The following HADHB variants were observed in gnomAD, a reference collection of about 807,000 sequenced individuals.
HADHB encodes the protein hydroxyacyl-CoA dehydrogenase trifunctional multienzyme complex subunit beta.
HADHB carries 50 observed loss-of-function variants against 61.9 expected under a neutral mutation model. The observed-to-expected ratio is 0.81, with a 90% CI of 0.64 to 1.02. The LOEUF (loss-of-function observed/expected upper bound fraction) is 1.02. Ranked by LOEUF, HADHB falls within the 50% of genes least tolerant of loss-of-function variation. The pLI, the probability that HADHB is intolerant of heterozygous loss-of-function variation, is 0.00. For synonymous variants in HADHB, 191 were observed against 201.6 expected (o/e 0.95, Z 0.45); for missense variants, 504 against 586.5 (o/e 0.86, Z 1.45).
chr2:26,257,672 G>A (rs552788399), intron 3 of HADHB, among the ~76,000 whole-genome samples: 4 of 151,996 alleles, frequency 2.6e-5, no homozygotes, highest in South Asian at 2.1e-4. Flanking sequence ...GGCCCACAAC[G>A]TTAAAGATGT....
intron 4 of HADHB, 47 bp downstream of exon 4, chr2:26,263,526 T>G (rs751038689): frequency 9.2e-5 from 106 of 1,153,858 alleles, no homozygotes; most frequent in Non-Finnish European, 1.3e-4. Flanking sequence ...TTTAAGACAC[T>G]TTCAAAAGTA....
chr2:26,281,202 A>T (rs1672773358), intron 10 of HADHB, among the ~76,000 whole-genome samples: 1 of 151,938 alleles, frequency 6.6e-6, no homozygotes, highest in African/African-American at 2.4e-5. Flanking sequence ...AAACATCTTT[A>T]TTGATTCTGC....
At chr2:26,285,663 A>G (rs1045498662) in intron 15 of HADHB, 92 bp downstream of exon 15, 4 of 905,728 alleles carry the variant, frequency 4.4e-6, no homozygotes, top group Non-Finnish European at 6.8e-6. Context: ...TCTTAAAGCA[A>G]TATTTTTGAT....
At chr2:26,260,463 A>C (rs202183177) in intron 3 of HADHB, 2 of 155,448 alleles carry the variant, frequency 1.3e-5, no homozygotes, top group East Asian at 3.8e-4. Context: ...ATAGTGTGCA[A>C]ATCTTCAAAT....
In HADHB at chr2:26,285,739, G is replaced by GT. The variant is rs766742523; in HGVS notation, c.1389+186dup. On this transcript the variant is annotated intron_variant, in intron 15 of 15. Transcript: ENST00000317799. Reference sequence around the variant, plus strand: ...TCTGATAAAACTTTTTGTTTTTTGGGTTTTTTTTTTTTTTTTTTGAGACAG... The same window carrying GT: ...TCTGATAAAACTTTTTGTTTTTTGGGTTTTTTTTTTTTTTTTTTTGAGACAG... Among the ~76,000 whole-genome samples, 146 of 65,088 alleles carry GT rather than the reference G, an allele frequency of 2.2e-3. 21 individuals are homozygous for GT. Among genetic ancestry groups the GT allele is most frequent in the East Asian group, 6.5e-3 (28 of 4,298 alleles). The allele number at this position is 65,088 out of a possible 152,430, so 42.7% of individuals were successfully genotyped here.
Position 26,267,063 on chromosome 2 carries a change from T to C in HADHB, c.210-2890T>C, listed in dbSNP as rs72850002. Among the ~76,000 whole-genome samples, 947 of 152,118 alleles carry C rather than the reference T, an allele frequency of 6.2e-3. 7 individuals are homozygous for C. The highest frequency in any genetic ancestry group is 0.021 in the African/African-American group (885 of 41,492). On this transcript the variant is annotated intron_variant, in intron 4 of 15. Transcript: ENST00000317799. ...CTGAGTGAAAATGACAGTAAAAATATTTTGGAGTTTTTAAGTTTTAATTTT... is the reference window on the plus strand; with the variant it reads ...CTGAGTGAAAATGACAGTAAAAATACTTTGGAGTTTTTAAGTTTTAATTTT...
chr2:26,259,710 A>G (rs762109542), intron 3 of HADHB, among the ~76,000 whole-genome samples: 1 of 152,236 alleles, frequency 6.6e-6, no homozygotes, highest in Non-Finnish European at 1.5e-5. Context: ...ACTTTATAAT[A>G]TGCTAAATTA....
Position 26,271,761 on chromosome 2 carries a change from A to G in HADHB, c.254+1764A>G, listed in dbSNP as rs540308118. Among the ~76,000 whole-genome samples, 6 of 152,252 alleles carry G rather than the reference A, an allele frequency of 3.9e-5. No homozygotes were observed. In the East Asian group the frequency reaches 5.8e-4, roughly 15 times the overall value. ...GGAGTTTGAGACCAGCCTAAGCAAC[A>G]TAGTAAGACTCCATCTCTACAAAAA... On this transcript the variant is annotated intron_variant, in intron 5 of 15. Coordinates refer to ENST00000317799, the MANE Select transcript of HADHB (RefSeq NM_000183.3).
At chr2:26,257,967 C>T (rs1209909989) in intron 3 of HADHB, among the ~76,000 whole-genome samples, 4 of 151,670 alleles carry the variant, frequency 2.6e-5, no homozygotes, top group Admixed American at 6.6e-5. Context: ...TGCAGTGAGC[C>T]GAGATCGTGC....
intron 7 of HADHB, 53 bp downstream of exon 7, chr2:26,277,213 T>C (rs975951536): frequency 2.1e-5 from 18 of 864,714 alleles, no homozygotes; most frequent in Non-Finnish European, 3.3e-5. Context: ...CTTTGTCTTT[T>C]ACTTGATTAT....
chr2:26,281,496 A>G (rs1010520835), intron 10 of HADHB, among the ~76,000 whole-genome samples: 6 of 152,154 alleles, frequency 3.9e-5, no homozygotes, highest in Non-Finnish European at 8.8e-5. Context: ...CATTTGCAAA[A>G]CCGAATTGGA....
chr2:26,281,699 A>G (rs1414739703), intron 10 of HADHB, among the ~76,000 whole-genome samples: 1 of 152,214 alleles, frequency 6.6e-6, no homozygotes, highest in Non-Finnish European at 1.5e-5. Flanking sequence ...ACAATGGCAC[A>G]TTGAACCTGT....
At chr2:26,285,999 A>G (rs1481940327) in intron 15 of HADHB, among the ~76,000 whole-genome samples, 1 of 151,922 alleles carries the variant, frequency 6.6e-6, no homozygotes, top group East Asian at 1.9e-4. Context: ...TGGCCTCCCA[A>G]AGTGCTGTGA....
chr2:26,282,708 T>C, intron 10 of HADHB, 137 bp from the exon 11 acceptor site: 1 of 709,416 alleles, frequency 1.4e-6, no homozygotes, highest in South Asian at 1.5e-5. Context: ...ATGGATACAG[T>C]GAAGTAAGTG....
At position 26,282,854 on chromosome 2, in the gene HADHB, G is replaced by T; in HGVS notation, c.943G>T (p.Ala315Ser). 6.2e-7 allele frequency: 1 copy of T among 1,609,646 alleles called. No homozygotes were observed. The highest frequency in any genetic ancestry group is 8.5e-7 in the Non-Finnish European group (1 of 1,176,464). ...AANSSFLTDG[A>S]SAMLIMAEEK... ...CTGGTTAACATTTCAGACTGATGGT[G>T]CATCTGCAATGTTAATCATGGCGGA... The change falls in exon 11 of 16, where the codon GCA (alanine) becomes TCA (serine). Residue 315 changes from alanine to serine, a missense_variant. Coordinates refer to ENST00000317799, the MANE Select transcript of HADHB (RefSeq NM_000183.3).
intron 3 of HADHB, among the ~76,000 whole-genome samples, chr2:26,262,448 T>G (rs1671903721): frequency 1.3e-5 from 2 of 152,182 alleles, no homozygotes; most frequent in African/African-American, 4.8e-5. Flanking sequence ...ACTTTACCTC[T>G]TAGAAGAAAA....
At chr2:26,270,886 T>C (rs898106204) in intron 5 of HADHB, among the ~76,000 whole-genome samples, 8 of 149,010 alleles carry the variant, frequency 5.4e-5, no homozygotes, top group African/African-American at 1.7e-4. Context: ...AGCTTTTTTT[T>C]TTTTTTTTTT....
At chr2:26,271,177 G>A (rs1672331931) in intron 5 of HADHB, among the ~76,000 whole-genome samples, 1 of 149,378 alleles carries the variant, frequency 6.7e-6, no homozygotes, top group Non-Finnish European at 1.5e-5. Context: ...TTACAGGTGT[G>A]AGCCACTGCG....
In HADHB at chr2:26,246,347, C is replaced by CT. The variant is rs35129524; in HGVS notation, c.-9+1371dup. On this transcript the variant is annotated intron_variant, in intron 1 of 15. Coordinates refer to ENST00000317799, the MANE Select transcript of HADHB (RefSeq NM_000183.3). ...TTCTTTTGTTTTGTTTTGTTTACAACTTTTTTTTTTTTTTGAGACAGTTTT... is the reference window on the plus strand; with the variant it reads ...TTCTTTTGTTTTGTTTTGTTTACAACTTTTTTTTTTTTTTTGAGACAGTTTT... Among the ~76,000 whole-genome samples the CT allele has an allele frequency of 9.5e-3, 1,367 of 144,092 alleles. 19 individuals are homozygous for CT. The highest frequency in any genetic ancestry group is 0.026 in the African/African-American group (1,013 of 39,466). The allele number at this position is 144,092 out of a possible 152,430, so 94.5% of individuals were successfully genotyped here.
Sources: gnomAD v4.1 joint callset for allele counts (sites outside exome capture counted in the v4.1 genomes callset) on GRCh38, gnomAD v4.1.1 for gene constraint, MANE v1.5 for transcripts, NCBI Gene and HGNC (gene_info 2026-07-23, HGNC 2026-07-21) for gene names.